Variants in CIBAR2 observed in about 807,000 individuals in gnomAD.
CIBAR2 encodes the protein CBY1 interacting BAR domain containing 2.
In CIBAR2, 38 loss-of-function variants were observed where a neutral mutation model predicts 36.2. That is an observed-to-expected ratio of 1.05 (90% confidence interval 0.81 to 1.38). The LOEUF (loss-of-function observed/expected upper bound fraction) is 1.38. CIBAR2 is among the 40% of genes most tolerant of loss of function. CIBAR2 has a pLI of 0.00. For missense variants in CIBAR2, 481 were observed against 383.4 expected (o/e 1.25, Z -2.13); for synonymous variants, 182 against 149.5 (o/e 1.22, Z -1.58).
At position 85,110,371 on chromosome 16, in the gene CIBAR2, C is replaced by G; in HGVS notation, c.110G>C (p.Arg37Pro). 1 of 1,613,468 alleles carries G rather than the reference C, an allele frequency of 6.2e-7. No homozygotes were observed. The highest frequency in any genetic ancestry group is 8.5e-7 in the Non-Finnish European group (1 of 1,179,826). ...QFCSLLAAYTRKTARLRDKAD... is the reference protein window; with the variant it reads ...QFCSLLAAYTPKTARLRDKAD... The stretch of plus-strand genomic sequence containing the variant: ...CTTGTCCCGCAGCCGGGCCGTCTTG[C>G]GCGTGTAGGCGGCCAGCAGCGAGCA... Residue 37 changes from arginine (R) to proline (P), a missense_variant, in exon 2 of 9, where the codon CGC becomes CCC. Physicochemically the swap from Arg to Pro is moderately radical, Grantham distance 103. Transcript: ENST00000539556.
chr16:85,106,147 G>T (rs1354245768), intron 5 of CIBAR2, among the ~76,000 whole-genome samples: 12 of 152,172 alleles, frequency 7.9e-5, no homozygotes. Context: ...GACGGTGGGT[G>T]ACCCAGGTGG....
At chr16:85,103,358 C>G (rs902766398) in intron 6 of CIBAR2, among the ~76,000 whole-genome samples, 16 of 152,102 alleles carry the variant, frequency 1.1e-4, no homozygotes, top group African/African-American at 3.6e-4. Flanking sequence ...TATAAATCAC[C>G]CAGCTTAAAG....
intron 1 of CIBAR2, among the ~76,000 whole-genome samples, chr16:85,110,886 G>C (rs553768792): frequency 6.6e-6 from 1 of 152,128 alleles, no homozygotes; most frequent in South Asian, 2.1e-4. Flanking sequence ...TGTATTTTTA[G>C]TAGAGACAGG....
intron 2 of CIBAR2, among the ~76,000 whole-genome samples, chr16:85,109,275 A>G (rs551765368): frequency 6.6e-6 from 1 of 152,016 alleles, no homozygotes; most frequent in Non-Finnish European, 1.5e-5. Flanking sequence ...AAATAAAGAT[A>G]ATTAGCTAGT....
chr16:85,105,631 C>T (rs1011641781), intron 5 of CIBAR2, among the ~76,000 whole-genome samples, 200 bp from the exon 6 acceptor site: 1 of 152,202 alleles, frequency 6.6e-6, no homozygotes, highest in African/African-American at 2.4e-5. Flanking sequence ...GTGAGACACA[C>T]CTGCTTGCTA....
intron 6 of CIBAR2, 66 bp from the exon 7 acceptor site, chr16:85,102,393 T>C (rs1214838999): frequency 3.2e-6 from 3 of 949,146 alleles, no homozygotes; most frequent in Non-Finnish European, 5.2e-6. Flanking sequence ...AAGCCTGGGA[T>C]GCAGGCAGAT....
At position 85,108,115 on chromosome 16, in the gene CIBAR2, C is replaced by T. The variant is rs1262879280; in HGVS notation, c.256-16G>A. The stretch of plus-strand genomic sequence containing the variant: ...GCCTCTCGACCTGGGGGAGCGGGGA[C>T]ACCAGGGGATCTGAGCGCAGGGTGC... On this transcript the variant is annotated splice_polypyrimidine_tract_variant and intron_variant, in intron 2 of 8. Transcript: ENST00000539556. 1 of 1,601,236 alleles carries T rather than the reference C, an allele frequency of 6.2e-7. No individual in the cohort carries two copies. The highest frequency in any genetic ancestry group is 8.5e-7 in the Non-Finnish European group (1 of 1,174,048).
intron 6 of CIBAR2, among the ~76,000 whole-genome samples, chr16:85,102,601 C>G (rs1411173606): frequency 6.6e-6 from 1 of 152,152 alleles, no homozygotes; most frequent in African/African-American, 2.4e-5. Context: ...CACTTGAGCC[C>G]AGGAGTTCAA....
chr16:85,102,908 T>A (rs903616748), intron 6 of CIBAR2, among the ~76,000 whole-genome samples: 12 of 78,148 alleles, frequency 1.5e-4, no homozygotes, highest in African/African-American at 7.4e-4. Context: ...ACAGGAGGCT[T>A]TTTTTTTTTT....
At chr16:85,106,479 A>G (rs1242277769) in intron 5 of CIBAR2, among the ~76,000 whole-genome samples, 1 of 152,102 alleles carries the variant, frequency 6.6e-6, no homozygotes, top group Non-Finnish European at 1.5e-5. Flanking sequence ...CAAGCAGTGC[A>G]ATCAAAGGGT....
chr16:85,108,281 GC>G (rs1443811640), intron 2 of CIBAR2, among the ~76,000 whole-genome samples, 182 bp from the exon 3 acceptor site: 2 of 152,216 alleles, frequency 1.3e-5, no homozygotes, highest in Admixed American at 1.3e-4. Context: ...TCAGGGCCCG[GC>G]TCTGCCTCCC....
intron 1 of CIBAR2, among the ~76,000 whole-genome samples, chr16:85,111,684 A>G (rs186295593): frequency 6.6e-6 from 1 of 152,300 alleles, no homozygotes; most frequent in East Asian, 1.9e-4. Context: ...CGTCTCTACT[A>G]AAATACAAAA....
intron 5 of CIBAR2, among the ~76,000 whole-genome samples, chr16:85,107,220 C>T (rs999393986): frequency 1.1e-4 from 17 of 152,142 alleles, no homozygotes; most frequent in African/African-American, 2.7e-4. Flanking sequence ...CATACAGCAG[C>T]GGTGACTAGC....
chr16:85,102,471 T>G lies in CIBAR2; in HGVS notation c.538-144A>C, dbSNP rs558987109. 9.5e-5 allele frequency: 58 copies of G among 613,040 alleles called. No homozygotes were observed. In the South Asian group the frequency reaches 1.1e-3, roughly 12 times the overall value. The allele number at this position is 613,040 out of a possible 1,614,324, so 38.0% of individuals were successfully genotyped here. The stretch of plus-strand genomic sequence containing the variant: ...AGGTGGGGAGTTTCGACATGTTATT[T>G]TAAACTTATTTTTCTTTCATAGAGA... On this transcript the variant is annotated intron_variant, in intron 6 of 8. Transcript: ENST00000539556.
chr16:85,103,437 C>A (rs926939997), intron 6 of CIBAR2, among the ~76,000 whole-genome samples: 1 of 152,176 alleles, frequency 6.6e-6, no homozygotes, highest in Non-Finnish European at 1.5e-5. Flanking sequence ...TTGCTTTTAT[C>A]TCTTTTGAAA....
rs1057473264 is a variant in CIBAR2 at position 85,099,324 on chromosome 16, C to T, written c.776G>A (p.Ser259Asn). 1 of 1,596,690 alleles carries T rather than the reference C, an allele frequency of 6.3e-7. No homozygotes were observed. The highest frequency in any genetic ancestry group is 1.7e-5 in the Admixed American group (1 of 59,990). The change falls in exon 9 of 9, where the codon AGT becomes AAT. Residue 259 changes from serine to asparagine, a missense_variant. By Grantham distance (46) the Ser-to-Asn change is conservative. Transcript: ENST00000539556. ...ASQGTLQVQL[S>N]RANEDPEHPH... ...ATGTTCAGGGTCTTCATTTGCCCTA[C>T]TCAGCTGGACCTGCAGAGTTCCCTG...
intron 6 of CIBAR2, 72 bp downstream of exon 6, chr16:85,105,255 C>T (rs1032885940): frequency 1.8e-5 from 16 of 869,156 alleles, no homozygotes; most frequent in Admixed American, 1.8e-4. Context: ...CACACAGACA[C>T]GTGTACACAC....
In CIBAR2 at chr16:85,100,036, G is replaced by A. The variant is rs62049953; in HGVS notation, c.753+103C>T. ...CTCCTCAGCCTCCCATTTCAAATTC[G>A]AGTTCTCAGCCACCCTCCTCTAATC... is the stretch of plus-strand genomic sequence containing the variant. On this transcript the variant is annotated intron_variant, in intron 8 of 8. Transcript: ENST00000539556. 2,175 of 870,254 alleles carry A rather than the reference G, an allele frequency of 2.5e-3. 15 individuals are homozygous for A. Among genetic ancestry groups the A allele is most frequent in the Middle Eastern group, 0.018 (56 of 3,134 alleles). The allele number at this position is 870,254 out of a possible 1,614,324, so 53.9% of individuals were successfully genotyped here. A position where few individuals can be genotyped will look rare whatever the true frequency, so the allele number is the denominator to read the frequency against.
At chr16:85,109,382 G>C (rs185519444) in intron 2 of CIBAR2, among the ~76,000 whole-genome samples, 1 of 152,318 alleles carries the variant, frequency 6.6e-6, no homozygotes, top group East Asian at 1.9e-4. Context: ...CATCTGTCTT[G>C]AGAACATGGG....
Sources: allele counts gnomAD v4.1 joint callset (sites outside exome capture counted in the v4.1 genomes callset), GRCh38; gene constraint gnomAD v4.1.1; transcripts MANE v1.5; gene names NCBI Gene and HGNC (gene_info 2026-07-23, HGNC 2026-07-21).